Variants in SLC35F3 observed in about 807,000 individuals in gnomAD.
SLC35F3 encodes solute carrier family 35 member F3.
SLC35F3 carries 25 observed loss-of-function variants against 49.9 expected under a neutral mutation model. The ratio of observed to expected loss-of-function variants is 0.50; its 90% CI spans 0.37 to 0.70. SLC35F3 has a LOEUF of 0.70. Ranked by LOEUF, SLC35F3 falls within the 30% of genes least tolerant of loss-of-function variation. SLC35F3 has a pLI of 0.00. For missense variants in SLC35F3, 525 were observed against 639.8 expected (o/e 0.82, Z 1.94); for synonymous variants, 275 against 265.4 (o/e 1.04, Z -0.35).
intron 2 of SLC35F3, among the ~76,000 whole-genome samples, chr1:234,107,352 G>A (rs560983221): frequency 6.6e-5 from 10 of 152,308 alleles, no homozygotes; most frequent in African/African-American, 2.4e-4. Context: ...CCATAACAGG[G>A]GAGTGAAGAA....
intron 2 of SLC35F3, among the ~76,000 whole-genome samples, chr1:234,122,622 C>A (rs1665592864): frequency 6.6e-6 from 1 of 152,142 alleles, no homozygotes; most frequent in African/African-American, 2.4e-5. Context: ...CTCCCCTTGT[C>A]CCCCATGGCC....
intron 2 of SLC35F3, among the ~76,000 whole-genome samples, chr1:234,188,963 C>T (rs867358534): frequency 1.2e-4 from 18 of 152,130 alleles, no homozygotes; most frequent in Non-Finnish European, 2.5e-4. Flanking sequence ...CAATTACTAC[C>T]GTTCGGCTCT....
intron 3 of SLC35F3, among the ~76,000 whole-genome samples, chr1:234,284,612 C>G (rs912499374): frequency 6.6e-6 from 1 of 152,176 alleles, no homozygotes; most frequent in East Asian, 1.9e-4. Context: ...TGATTGTGAT[C>G]GTGCCTCTTG....
At position 234,223,148 on chromosome 1, in the gene SLC35F3, G is replaced by A. The variant is rs139204942; in HGVS notation, c.284-8269G>A. On this transcript the variant is annotated intron_variant, in intron 2 of 7. Transcript: ENST00000366618. ...TCTCGAGAGTCATGATTCACCTTAG[G>A]CTGAGTACATTCCAGGACTGTCTTA... Among the ~76,000 whole-genome samples, 696 of 152,298 alleles carry A rather than the reference G, an allele frequency of 4.6e-3. 5 individuals carry two copies. The highest frequency in any genetic ancestry group is 6.8e-3 in the Non-Finnish European group (465 of 68,020).
chr1:233,935,303 A>T (rs2102795845), intron 2 of SLC35F3, among the ~76,000 whole-genome samples: 1 of 148,706 alleles, frequency 6.7e-6, no homozygotes, highest in Middle Eastern at 3.5e-3. Flanking sequence ...GATATCCAAA[A>T]GTGGACACAC....
intron 2 of SLC35F3, among the ~76,000 whole-genome samples, chr1:234,148,204 A>T (rs1666025320): frequency 6.6e-6 from 1 of 152,204 alleles, no homozygotes; most frequent in South Asian, 2.1e-4. Flanking sequence ...CATGAAGCGA[A>T]AAGGCAAGAG....
At chr1:234,256,843 G>A (rs1667828535) in intron 3 of SLC35F3, among the ~76,000 whole-genome samples, 1 of 152,232 alleles carries the variant, frequency 6.6e-6, no homozygotes, top group African/African-American at 2.4e-5. Context: ...ATAAATCCCT[G>A]TCTTATTCTT....
At position 234,214,712 on chromosome 1, in the gene SLC35F3, C is replaced by T. The variant is rs1025171070; in HGVS notation, c.284-16705C>T. On this transcript the variant is annotated intron_variant, in intron 2 of 7. Transcript: ENST00000366618. The surrounding 1 kb of genome is among the most constrained non-coding windows in gnomAD (Gnocchi z 8.0). ...CAGGACGCGGCTCCGCAGTGCAGAG[C>T]GCCGCCGCCTGCGTGGGGGGATCTG... The T allele has an allele frequency of 1.7e-6, 2 of 1,159,090 alleles. No homozygotes were observed. The highest frequency in any genetic ancestry group is 2.3e-6 in the Non-Finnish European group (2 of 873,960). 71.8% of individuals were successfully genotyped at this position (1,159,090 alleles called of 1,614,324 possible).
intron 2 of SLC35F3, among the ~76,000 whole-genome samples, chr1:233,949,761 C>T (rs960154849): frequency 1.2e-4 from 19 of 152,096 alleles, no homozygotes; most frequent in African/African-American, 4.6e-4. Flanking sequence ...AGACCGTCTG[C>T]TGTACCGCTA....
chr1:234,076,825 G>A (rs114064473), intron 2 of SLC35F3, among the ~76,000 whole-genome samples: 2,330 of 152,200 alleles, frequency 0.015, 33 homozygotes, highest in Non-Finnish European at 0.022. Flanking sequence ...TCGATAAAGT[G>A]TGCCACCCAA....
intron 2 of SLC35F3, among the ~76,000 whole-genome samples, chr1:234,014,971 A>G (rs1446863978): frequency 6.6e-6 from 1 of 152,220 alleles, no homozygotes; most frequent in Non-Finnish European, 1.5e-5. Context: ...AAATAGAAAA[A>G]CAATCCTAAA....
At chr1:234,073,374 G>A (rs575939517) in intron 2 of SLC35F3, among the ~76,000 whole-genome samples, 4 of 152,246 alleles carry the variant, frequency 2.6e-5, no homozygotes, top group African/African-American at 9.6e-5. Flanking sequence ...CTGAAATCCT[G>A]GGCTCAAGAG....
At chr1:234,297,743 CAAAAA>C (rs57703297) in intron 3 of SLC35F3, among the ~76,000 whole-genome samples, 35 of 124,454 alleles carry the variant, frequency 2.8e-4, no homozygotes, top group East Asian at 1.3e-3. Flanking sequence ...TACCCTGTCT[CAAAAA>C]AAAAAAAAAA....
chr1:233,928,957 AT>A (rs1662201220), intron 2 of SLC35F3, among the ~76,000 whole-genome samples: 1 of 152,180 alleles, frequency 6.6e-6, no homozygotes, highest in Non-Finnish European at 1.5e-5. Flanking sequence ...ATTAAATTAA[AT>A]TTAAATAAAG....
intron 2 of SLC35F3, among the ~76,000 whole-genome samples, chr1:233,972,356 C>T (rs1663010073): frequency 6.6e-6 from 1 of 152,196 alleles, no homozygotes. Flanking sequence ...TATGAACACT[C>T]AGTAAATGTG....
chr1:233,971,492 C>G (rs532956797), intron 2 of SLC35F3, among the ~76,000 whole-genome samples: 2 of 152,122 alleles, frequency 1.3e-5, no homozygotes, highest in Non-Finnish European at 2.9e-5. Context: ...GAGGCCGAGG[C>G]GGGTGGATCA....
chr1:234,182,126 G>A (rs1666566737), intron 2 of SLC35F3, among the ~76,000 whole-genome samples: 1 of 152,110 alleles, frequency 6.6e-6, no homozygotes, highest in Admixed American at 6.6e-5. Context: ...AACCAGTAAG[G>A]TTTTTTCCAA....
At chr1:234,023,226 C>A (rs1421217150) in intron 2 of SLC35F3, among the ~76,000 whole-genome samples, 2 of 152,100 alleles carry the variant, frequency 1.3e-5, no homozygotes, top group Non-Finnish European at 2.9e-5. Context: ...AATAAGTGAA[C>A]CAGGGCATTA....
At chr1:234,007,726 T>G (rs1663651279) in intron 2 of SLC35F3, among the ~76,000 whole-genome samples, 1 of 152,244 alleles carries the variant, frequency 6.6e-6, no homozygotes. Flanking sequence ...TTTTGGTTAA[T>G]GGGCAGTCAT....
Sources: allele counts gnomAD v4.1 joint callset (sites outside exome capture counted in the v4.1 genomes callset), GRCh38; gene constraint gnomAD v4.1.1; non-coding constraint Gnocchi (gnomAD v3.1); transcripts MANE v1.5; gene names NCBI Gene and HGNC (gene_info 2026-07-23, HGNC 2026-07-21).